SPON1: variants seen among roughly 807,000 people sequenced by gnomAD.
The protein encoded by SPON1 is spondin 1.
In SPON1, 52 loss-of-function variants were observed where a neutral mutation model predicts 111.7. The ratio of observed to expected loss-of-function variants is 0.47; its 90% confidence interval spans 0.37 to 0.59. SPON1 has a LOEUF of 0.59. Among genes scored for constraint, SPON1 ranks in the 20% least tolerant of loss-of-function variants. The pLI is 0.00. For synonymous variants in SPON1, 410 were observed against 395.8 expected, an observed-to-expected ratio of 1.04 and a Z score of -0.43; for missense variants, 957 against 1,068.5, an observed-to-expected ratio of 0.90 and a Z score of 1.46.
At chr11:14,201,023 A>T (rs541013382) in intron 6 of SPON1, among the ~76,000 whole-genome samples, 3 of 151,778 alleles carry the variant, frequency 2.0e-5, no homozygotes, top group African/African-American at 7.2e-5. Flanking sequence ...CAGTTTCCAT[A>T]TCTGTAAAAT....
At chr11:14,175,713 C>T (rs548769588) in intron 6 of SPON1, among the ~76,000 whole-genome samples, 1 of 152,084 alleles carries the variant, frequency 6.6e-6, no homozygotes, top group African/African-American at 2.4e-5. Flanking sequence ...GCTGGCATAC[C>T]AGGTTTCTAG....
chr11:14,012,928 C>T lies in SPON1; in HGVS notation c.346-28593C>T, dbSNP rs1848417016. Reference sequence around the variant, plus strand: ...CTTCATTATTAAATATTAAATGTTCCTATTTACATATTCTGCCTTACTGAA... The same window carrying T: ...CTTCATTATTAAATATTAAATGTTCTTATTTACATATTCTGCCTTACTGAA... On this transcript the variant is annotated intron_variant, in intron 2 of 15. Transcript: ENST00000576479. 2.6e-5 allele frequency among the ~76,000 whole-genome samples: 4 copies of T among 152,200 alleles called. No homozygotes were observed. The South Asian group carries it at 8.3e-4, about 32-fold the overall frequency.
At chr11:14,173,644 A>T (rs1004143609) in intron 6 of SPON1, among the ~76,000 whole-genome samples, 1 of 151,882 alleles carries the variant, frequency 6.6e-6, no homozygotes, top group South Asian at 2.1e-4. Flanking sequence ...TTTGTCTTTG[A>T]TGATGGTGAC....
Position 14,265,959 on chromosome 11 carries a change from G to A in SPON1, c.*272G>A. On this transcript the variant is annotated 3_prime_UTR_variant, in exon 16 of 16. Transcript: ENST00000576479. ...CTAAGCTGAAACATGTCCCTCTGGA[G>A]CTTCCACCTGGCCAGGGAGGACGGA... is the stretch of plus-strand genomic sequence containing the variant. 3.3e-6 allele frequency: 1 copy of A among 306,308 alleles called. No homozygotes were observed. The highest frequency in any genetic ancestry group is 5.0e-5 in the South Asian group (1 of 20,122). 19.0% of individuals were successfully genotyped at this position (306,308 alleles called of 1,614,324 possible).
chr11:14,160,522 TACA>T (rs1272650210), intron 6 of SPON1, among the ~76,000 whole-genome samples: 233 of 6,426 alleles, frequency 0.036, 58 homozygotes, highest in African/African-American at 0.12. Context: ...TATATATATT[TACA>T]TATATATATT....
chr11:14,095,554 T>C (rs1274282481), intron 5 of SPON1, among the ~76,000 whole-genome samples: 1 of 152,078 alleles, frequency 6.6e-6, no homozygotes, highest in African/African-American at 2.4e-5. Context: ...GTGGTGTAGT[T>C]CTAGTTGAAT....
At chr11:13,988,458 G>A (rs191335980) in intron 2 of SPON1, among the ~76,000 whole-genome samples, 1 of 152,230 alleles carries the variant, frequency 6.6e-6, no homozygotes, top group East Asian at 1.9e-4. Flanking sequence ...TTTGGGCTGA[G>A]TGGTTTTCTA....
In SPON1 at chr11:14,215,027, C is replaced by G. The variant is rs149311616; in HGVS notation, c.826-28305C>G. On this transcript the variant is annotated intron_variant, in intron 6 of 15. Coordinates refer to ENST00000576479, the MANE Select transcript of SPON1 (RefSeq NM_006108.4). ...CAGGGACTAAGACATTTCCATCTTT[C>G]TACTCTGCCTTTTTTATGTTTTTGT... Among the ~76,000 whole-genome samples the G allele has an allele frequency of 1.1e-4, 16 of 152,204 alleles. No individual in the cohort carries two copies. The East Asian group carries it at 3.1e-3, about 29-fold the overall frequency.
intron 1 of SPON1, among the ~76,000 whole-genome samples, chr11:13,964,104 C>T (rs1271797081): frequency 5.9e-5 from 9 of 152,184 alleles, no homozygotes; most frequent in Non-Finnish European, 8.8e-5. Context: ...TGACTCTGTC[C>T]CCACGCCCGC....
chr11:14,155,030 A>G (rs1191759864), intron 6 of SPON1, among the ~76,000 whole-genome samples: 1 of 152,194 alleles, frequency 6.6e-6, no homozygotes, highest in Non-Finnish European at 1.5e-5. Context: ...TCCAGTTCCC[A>G]GTAAGTTCCT....
chr11:14,264,517 T>A (rs551450573), intron 15 of SPON1, among the ~76,000 whole-genome samples: 7 of 152,276 alleles, frequency 4.6e-5, no homozygotes, highest in Non-Finnish European at 1.0e-4. Context: ...AAAGGCCTAT[T>A]CTTTTTGAAG....
chr11:14,174,822 T>C (rs1554932935), intron 6 of SPON1, among the ~76,000 whole-genome samples: 1 of 152,072 alleles, frequency 6.6e-6, no homozygotes, highest in Non-Finnish European at 1.5e-5. Context: ...TTTTTAATCA[T>C]AGTGCTCTCT....
rs538899742 is a variant in SPON1 at position 14,072,268 on chromosome 11, G to A, written c.480-3077G>A. ...CAACAATTATTAAAAAGAGGAAATG[G>A]GTTGCCTTAGACTTTATAGAATATT... On this transcript the variant is annotated intron_variant, in intron 3 of 15. Coordinates refer to ENST00000576479, the MANE Select transcript of SPON1 (RefSeq NM_006108.4). 3.3e-5 allele frequency among the ~76,000 whole-genome samples: 5 copies of A among 152,010 alleles called. No individual in the cohort carries two copies. In the South Asian group the frequency reaches 1.0e-3, roughly 32 times the overall value.
At chr11:14,133,062 T>C (rs1554927693) in intron 5 of SPON1, among the ~76,000 whole-genome samples, 1 of 152,232 alleles carries the variant, frequency 6.6e-6, no homozygotes, top group African/African-American at 2.4e-5. Flanking sequence ...GTCTGCTGGC[T>C]CTAAGACCAA....
intron 2 of SPON1, among the ~76,000 whole-genome samples, chr11:13,991,437 G>A (rs1404228291): frequency 1.3e-5 from 2 of 152,222 alleles, no homozygotes; most frequent in East Asian, 3.9e-4. Context: ...GGTCATTTAT[G>A]TTCTTCTCTA....
At chr11:14,093,119 A>G (rs1335572958) in intron 5 of SPON1, among the ~76,000 whole-genome samples, 6 of 152,260 alleles carry the variant, frequency 3.9e-5, no homozygotes, top group Admixed American at 3.9e-4. Flanking sequence ...CAGAAAGAGA[A>G]GGTCTGGATT....
chr11:14,261,652 A>G (rs1460141355), intron 14 of SPON1, among the ~76,000 whole-genome samples: 1 of 152,132 alleles, frequency 6.6e-6, no homozygotes, highest in African/African-American at 2.4e-5. Context: ...GGTAACTTGG[A>G]CCACCCACTA....
At chr11:14,186,643 T>C (rs1166414011) in intron 6 of SPON1, among the ~76,000 whole-genome samples, 1 of 152,242 alleles carries the variant, frequency 6.6e-6, no homozygotes, top group African/African-American at 2.4e-5. Flanking sequence ...GCTTATGCTG[T>C]ACCCACCCTT....
At position 14,109,123 on chromosome 11, in the gene SPON1, T is replaced by G. The variant is rs145140294; in HGVS notation, c.677-26297T>G. Among the ~76,000 whole-genome samples, 237 of 152,308 alleles carry G rather than the reference T, an allele frequency of 1.6e-3. 2 individuals carry two copies. Among genetic ancestry groups the G allele is most frequent in the African/African-American group, 5.5e-3 (230 of 41,562 alleles). On this transcript the variant is annotated intron_variant, in intron 5 of 15. Transcript: ENST00000576479. Reference sequence around the variant, plus strand: ...CTGATTCCCCACACTGGACTGGTTCTAGTTCTTAAACACTCTTTACAACTC... The same window carrying G: ...CTGATTCCCCACACTGGACTGGTTCGAGTTCTTAAACACTCTTTACAACTC...
Sources: gnomAD v4.1 joint callset for allele counts (sites outside exome capture counted in the v4.1 genomes callset) on GRCh38, gnomAD v4.1.1 for gene constraint, MANE v1.5 for transcripts, NCBI Gene and HGNC (gene_info 2026-07-23, HGNC 2026-07-21) for gene names.